Variants in PHACTR4 observed in about 807,000 individuals in gnomAD.
The protein encoded by PHACTR4 is protein phosphatase 1, regulatory subunit 124.
PHACTR4 carries 51 observed loss-of-function variants against 72.7 expected under a neutral mutation model. The observed-to-expected ratio is 0.70, with a 90% CI of 0.56 to 0.89. PHACTR4 has a LOEUF of 0.89. PHACTR4 is among the 40% of genes least tolerant of loss of function. The pLI, the probability that PHACTR4 is intolerant of heterozygous loss-of-function variation, is 0.00. For missense variants in PHACTR4, 731 were observed against 861.8 expected, an observed-to-expected ratio of 0.85 and a Z score of 1.90; for synonymous variants, 255 against 302.5, an observed-to-expected ratio of 0.84 and a Z score of 1.63.
At chr1:28,469,728 G>C (rs1388448675) in intron 6 of PHACTR4, among the ~76,000 whole-genome samples, 1 of 152,134 alleles carries the variant, frequency 6.6e-6, no homozygotes, top group African/African-American at 2.4e-5. Flanking sequence ...TTTTGTGTGT[G>C]TATGCAGTGT....
At position 28,376,888 on chromosome 1, in the gene PHACTR4, C is replaced by G. The variant is rs184961437; in HGVS notation, c.-39+7063C>G. ...TCCTGACCTCGTGATCCACCTGTCT[C>G]GGCCTCTCAAAGTGTGGGGATTACA... is the stretch of plus-strand genomic sequence containing the variant. On this transcript the variant is annotated intron_variant, in intron 1 of 13. Coordinates refer to ENST00000373839, the MANE Select transcript of PHACTR4 (RefSeq NM_001048183.3). 3.3e-5 allele frequency among the ~76,000 whole-genome samples: 5 copies of G among 149,812 alleles called. No homozygotes were observed. In the East Asian group the frequency reaches 1.0e-3, roughly 30 times the overall value.
chr1:28,385,835 G>A (rs996276126), intron 1 of PHACTR4, among the ~76,000 whole-genome samples: 5 of 151,716 alleles, frequency 3.3e-5, no homozygotes, highest in African/African-American at 1.2e-4. Context: ...GGCCGATCTT[G>A]AGCTCCTGAC....
chr1:28,458,097 GGTGTGTGTGTTTGTGTGTGTGTGTGT>G (rs1194323523), intron 2 of PHACTR4, among the ~76,000 whole-genome samples: 15 of 135,308 alleles, frequency 1.1e-4, no homozygotes, highest in African/African-American at 4.1e-4. Flanking sequence ...TTAATATTAT[GGTGTGTGTGTTTGTGTGTGTGTGTGT>G]GTGTGTGTGT....
intron 1 of PHACTR4, among the ~76,000 whole-genome samples, chr1:28,399,551 G>A (rs911457879): frequency 2.0e-5 from 3 of 151,852 alleles, no homozygotes; most frequent in Admixed American, 2.0e-4. Context: ...TGTTGGTCTC[G>A]GACTATGTAG....
At chr1:28,455,156 C>T (rs1007022509) in intron 2 of PHACTR4, among the ~76,000 whole-genome samples, 6 of 150,942 alleles carry the variant, frequency 4.0e-5, no homozygotes, top group Non-Finnish European at 7.4e-5. Flanking sequence ...AGGCATGAGC[C>T]ACCGCATCTG....
At chr1:28,489,737 C>T in intron 10 of PHACTR4, 1 of 515,982 alleles carries the variant, frequency 1.9e-6, no homozygotes, top group Non-Finnish European at 3.9e-6. Flanking sequence ...CCTGAAATAG[C>T]ATTCTAATCT....
rs188380458 is a variant in PHACTR4, at chr1:28,459,835, C to T, written c.191-377C>T. Among the ~76,000 whole-genome samples, 1,243 of 152,210 alleles carry T rather than the reference C, an allele frequency of 8.2e-3. 11 individuals carry two copies. The highest frequency in any genetic ancestry group is 0.026 in the South Asian group (126 of 4,818). ...GTGGTGAATGGAGTTCCTGAACTGTCGCAAATCTAAGATGCTTCTTTCCAT... is the reference window on the plus strand; with the variant it reads ...GTGGTGAATGGAGTTCCTGAACTGTTGCAAATCTAAGATGCTTCTTTCCAT... On this transcript the variant is annotated intron_variant, in intron 3 of 13. Coordinates refer to ENST00000373839, the MANE Select transcript of PHACTR4 (RefSeq NM_001048183.3).
intron 2 of PHACTR4, among the ~76,000 whole-genome samples, chr1:28,446,016 G>A (rs1427249106): frequency 6.8e-6 from 1 of 147,356 alleles, no homozygotes; most frequent in East Asian, 1.9e-4. Context: ...TAAATAATAG[G>A]TTAATTTAAA....
chr1:28,455,044 AT>A (rs1658274511), intron 2 of PHACTR4, among the ~76,000 whole-genome samples: 1 of 150,444 alleles, frequency 6.6e-6, no homozygotes, highest in Non-Finnish European at 1.5e-5. Context: ...TTGTTGTTGT[AT>A]TTTTAATAGA....
chr1:28,453,427 C>T (rs1557825133), intron 2 of PHACTR4: 1 of 278,998 alleles, frequency 3.6e-6, no homozygotes, highest in African/African-American at 2.2e-5. Context: ...AGAGAAAACA[C>T]AAGGAAAAGT....
At chr1:28,415,588 C>T (rs1413834609) in intron 2 of PHACTR4, among the ~76,000 whole-genome samples, 4 of 152,170 alleles carry the variant, frequency 2.6e-5, no homozygotes, top group African/African-American at 4.8e-5. Flanking sequence ...TACTAATTGC[C>T]TTCCCAAAAT....
chr1:28,385,280 A>G (rs1361552051), intron 1 of PHACTR4, among the ~76,000 whole-genome samples: 1 of 152,072 alleles, frequency 6.6e-6, no homozygotes, highest in African/African-American at 2.4e-5. Flanking sequence ...ACAGTGGCTT[A>G]TGCCTGTAAT....
intron 2 of PHACTR4, among the ~76,000 whole-genome samples, chr1:28,437,411 A>G (rs1393661884): frequency 1.3e-5 from 2 of 152,050 alleles, no homozygotes; most frequent in African/African-American, 2.4e-5. Context: ...TAAATTTTTT[A>G]TAGAGACAGA....
intron 1 of PHACTR4, among the ~76,000 whole-genome samples, chr1:28,390,841 A>G (rs1652955764): frequency 2.0e-5 from 3 of 151,800 alleles, no homozygotes; most frequent in Admixed American, 2.0e-4. Context: ...CAAGCCTGTA[A>G]CACAGCATTT....
intron 9 of PHACTR4, among the ~76,000 whole-genome samples, chr1:28,488,548 G>C (rs1210215336): frequency 1.3e-5 from 2 of 152,058 alleles, no homozygotes; most frequent in Non-Finnish European, 2.9e-5. Flanking sequence ...CCAGCAGTTT[G>C]GGGGGCCAAG....
chr1:28,379,193 G>T (rs528109136), intron 1 of PHACTR4, among the ~76,000 whole-genome samples: 1 of 151,912 alleles, frequency 6.6e-6, no homozygotes, highest in Non-Finnish European at 1.5e-5. Context: ...AGGCTTAAGC[G>T]ATCTTCCTGC....
At chr1:28,488,006 G>A (rs1660807958) in intron 9 of PHACTR4, among the ~76,000 whole-genome samples, 1 of 151,696 alleles carries the variant, frequency 6.6e-6, no homozygotes. Context: ...CAAAGTGCTG[G>A]GGATTACATG....
chr1:28,449,149 A>AAACAAC, intron 2 of PHACTR4, among the ~76,000 whole-genome samples: 1 of 151,926 alleles, frequency 6.6e-6, no homozygotes, highest in Non-Finnish European at 1.5e-5. Context: ...TCTCAAAACA[A>AAACAAC]AACAACAACA....
At chr1:28,404,510 T>A (rs1486266452) in intron 1 of PHACTR4, among the ~76,000 whole-genome samples, 1 of 151,722 alleles carries the variant, frequency 6.6e-6, no homozygotes, top group Non-Finnish European at 1.5e-5. Context: ...CTCGAACTCC[T>A]GACCTCAGGT....
Sources: gnomAD v4.1 joint callset for allele counts (sites outside exome capture counted in the v4.1 genomes callset) on GRCh38, gnomAD v4.1.1 for gene constraint, MANE v1.5 for transcripts, NCBI Gene and HGNC (gene_info 2026-07-23, HGNC 2026-07-21) for gene names.